Variants in RALGAPB observed in about 807,000 individuals in gnomAD.
The protein encoded by RALGAPB is ral GTPase-activating protein subunit beta.
RALGAPB carries 25 observed loss-of-function variants against 161.1 expected under a neutral mutation model. That is an observed-to-expected ratio of 0.16 (90% CI 0.11 to 0.22). The LOEUF (loss-of-function observed/expected upper bound fraction) is 0.22, where lower values mean the gene tolerates loss of function less well. Among genes scored for constraint, RALGAPB ranks in the 10% least tolerant of loss-of-function variants. The pLI is 1.00. For missense variants in RALGAPB, 1,391 were observed against 1,815.2 expected (o/e 0.77, Z 4.25); for synonymous variants, 629 against 626.1 (o/e 1.00, Z -0.07).
rs571671713 is a variant in RALGAPB at position 38,567,279 on chromosome 20, G to C, written c.3954+47G>C. On this transcript the variant is annotated intron_variant, in intron 26 of 29. Coordinates refer to ENST00000262879, the MANE Select transcript of RALGAPB (RefSeq NM_020336.4). ...TCTCCAAAATTTTGTAGTGAAATCA[G>C]GGTAATTATAGAATCCTGCCTGAAA... 1.9e-5 allele frequency: 31 copies of C among 1,591,172 alleles called. No individual in the cohort carries two copies. The East Asian group carries it at 5.4e-4, about 28-fold the overall frequency.
At chr20:38,564,538 C>T (rs2087913664) in intron 24 of RALGAPB, among the ~76,000 whole-genome samples, 1 of 152,116 alleles carries the variant, frequency 6.6e-6, no homozygotes, top group Admixed American at 6.5e-5. Flanking sequence ...AGTACTTGTC[C>T]ATTTCCCCTT....
chr20:38,520,276 G>T, intron 9 of RALGAPB: 1 of 876,184 alleles, frequency 1.1e-6, no homozygotes, highest in Non-Finnish European at 1.4e-6. Flanking sequence ...TATAAATCTT[G>T]TAAGTAGGAA....
chr20:38,522,663 A>T (rs1226270443), intron 10 of RALGAPB, among the ~76,000 whole-genome samples: 2 of 152,228 alleles, frequency 1.3e-5, no homozygotes, highest in Non-Finnish European at 2.9e-5. Flanking sequence ...TGACCCTATC[A>T]GAGGGAACCA....
chr20:38,540,478 G>T (rs1353000606), intron 17 of RALGAPB, among the ~76,000 whole-genome samples: 1 of 152,208 alleles, frequency 6.6e-6, no homozygotes, highest in East Asian at 1.9e-4. Context: ...GGAATTCACA[G>T]TGCAAATCAA....
At chr20:38,571,627 T>C (rs530187495) in intron 28 of RALGAPB, among the ~76,000 whole-genome samples, 1 of 152,342 alleles carries the variant, frequency 6.6e-6, no homozygotes, top group Admixed American at 6.5e-5. Context: ...TTAGGTTGCC[T>C]CCATATCTTA....
At chr20:38,570,991 C>T (rs1328590705) in intron 28 of RALGAPB, 144 bp downstream of exon 28, 4 of 612,180 alleles carry the variant, frequency 6.5e-6, no homozygotes, top group Middle Eastern at 3.6e-4. Context: ...AGTTTGTATA[C>T]AATGTACAAG....
intron 18 of RALGAPB, among the ~76,000 whole-genome samples, chr20:38,544,584 C>T (rs1306179990): frequency 6.6e-6 from 1 of 152,214 alleles, no homozygotes; most frequent in African/African-American, 2.4e-5. Flanking sequence ...TCTCCTCCCT[C>T]AGCTTCCCGA....
chr20:38,509,154 A>G lies in RALGAPB; in HGVS notation c.818A>G (p.Glu273Gly). ...PDEDASLIPP[E>G]MDNECVAQTW... is the part of the protein sequence containing the mutation. ...GAAGATGCCAGTCTGATCCCTCCAG[A>G]AATGGATAATGAGTGTGTTGCACAG... Residue 273 changes from glutamate to glycine, a missense_variant, in exon 6 of 30, where the codon GAA (glutamate) becomes GGA (glycine). Around this residue, in one of 3 missense-constraint regions of RALGAPB, gnomAD observed 946 missense variants for 1,257.2 expected, o/e 0.75. Transcript: ENST00000262879. 3.7e-6 allele frequency: 6 copies of G among 1,613,780 alleles called. No individual in the cohort carries two copies. Among genetic ancestry groups the G allele is most frequent in the Non-Finnish European group, 4.2e-6 (5 of 1,179,642 alleles).
At chr20:38,547,232 T>C (rs957847755) in intron 19 of RALGAPB, 1 of 152,124 alleles carries the variant, frequency 6.6e-6, no homozygotes, top group African/African-American at 2.4e-5. Flanking sequence ...TATCCACAAG[T>C]ACATTTTTTT....
chr20:38,558,467 ATTT>A lies in RALGAPB; in HGVS notation c.3531+24_3531+26del. On this transcript the variant is annotated intron_variant, in intron 23 of 29. Transcript: ENST00000262879. ...ACGAACCAAGAGGTAAGAGTTACGA[ATTT>A]TTTTTTTTTGGTATGTTTTTGTGCT... The A allele has an allele frequency of 3.2e-6, 4 of 1,257,346 alleles. No individual in the cohort carries two copies. Among genetic ancestry groups the A allele is most frequent in the Admixed American group, 2.4e-5 (1 of 41,900 alleles). The allele number at this position is 1,257,346 out of a possible 1,614,324, so 77.9% of individuals were successfully genotyped here.
chr20:38,488,571 A>T lies in RALGAPB; in HGVS notation c.139A>T (p.Thr47Ser). The T allele has an allele frequency of 6.2e-7, 1 of 1,614,096 alleles. No homozygotes were observed. Among genetic ancestry groups the T allele is most frequent in the Non-Finnish European group, 8.5e-7 (1 of 1,180,010 alleles). Reference protein sequence around the residue: ...VVRPLGQVLGTPSVAGSENLL... With the variant: ...VVRPLGQVLGSPSVAGSENLL... ...CCGTCCTCTTGGGCAGGTGTTAGGT[A>T]CCCCTTCAGTGGCTGGTAGTGAGAA... Residue 47 changes from threonine to serine, a missense_variant, in exon 2 of 30, where the codon ACC (threonine) becomes TCC (serine). Physicochemically the swap from Thr to Ser is moderately conservative, Grantham distance 58 (BLOSUM62 1). This residue lies in a region of RALGAPB where 946 missense variants were observed against 1,257.2 expected (regional missense o/e 0.75). Coordinates refer to ENST00000262879, the MANE Select transcript of RALGAPB (RefSeq NM_020336.4).
rs1283594480 is a variant in RALGAPB at position 38,578,598 on chromosome 20, ATT to A, written c.*3633_*3634del. ...GAAATCATATATACAGTTTGTATGA[ATT>A]TCAGTATGTTGCCAAGACATGATTT... On this transcript the variant is annotated 3_prime_UTR_variant, in exon 30 of 30. Transcript: ENST00000262879. 1.3e-5 allele frequency: 2 copies of A among 152,606 alleles called. No individual in the cohort carries two copies. Among genetic ancestry groups the A allele is most frequent in the African/African-American group, 4.8e-5 (2 of 41,432 alleles). The allele number at this position is 152,606 out of a possible 1,614,324, so 9.5% of individuals were successfully genotyped here.
chr20:38,565,333 A>T, intron 24 of RALGAPB, 26 bp from the exon 25 acceptor site: 4 of 1,611,984 alleles, frequency 2.5e-6, no homozygotes, highest in Non-Finnish European at 3.4e-6. Context: ...TTGAAGCGGT[A>T]ATGTAGTGTT....
intron 7 of RALGAPB, 145 bp from the exon 8 acceptor site, chr20:38,517,361 T>G (rs1555876040): frequency 1.5e-6 from 1 of 668,382 alleles, no homozygotes; most frequent in East Asian, 3.2e-5. Context: ...CAGGAAGAAA[T>G]AGTGAGTAGA....
chr20:38,485,729 C>T (rs1012620279), intron 1 of RALGAPB, among the ~76,000 whole-genome samples: 4 of 151,956 alleles, frequency 2.6e-5, no homozygotes, highest in East Asian at 3.9e-4. Context: ...TGAGTTTTAT[C>T]GCTTGTTTTG....
chr20:38,573,990 A>G, intron 28 of RALGAPB, 160 bp from the exon 29 acceptor site: 1 of 558,256 alleles, frequency 1.8e-6, no homozygotes. Context: ...ATTCCCAGAA[A>G]GCAGATTCTG....
At chr20:38,571,947 C>T (rs1466907099) in intron 28 of RALGAPB, among the ~76,000 whole-genome samples, 2 of 151,982 alleles carry the variant, frequency 1.3e-5, no homozygotes, top group South Asian at 4.2e-4. Flanking sequence ...TTGCATTTCC[C>T]TGATGACTGG....
chr20:38,571,158 C>T (rs556638652), intron 28 of RALGAPB, among the ~76,000 whole-genome samples: 5 of 152,204 alleles, frequency 3.3e-5, no homozygotes, highest in African/African-American at 9.6e-5. Flanking sequence ...TATTCCTGAA[C>T]ACTTCTACCA....
intron 13 of RALGAPB, among the ~76,000 whole-genome samples, chr20:38,527,002 C>T (rs2123154365): frequency 6.6e-6 from 1 of 152,262 alleles, no homozygotes; most frequent in South Asian, 2.1e-4. Flanking sequence ...TAGGGCTTTC[C>T]TCAGCCACCT....
Sources: allele counts gnomAD v4.1 joint callset (sites outside exome capture counted in the v4.1 genomes callset), GRCh38; gene constraint gnomAD v4.1.1; regional missense constraint gnomAD v4.1.1; transcripts MANE v1.5; gene names NCBI Gene and HGNC (gene_info 2026-07-23, HGNC 2026-07-21).